The following NKX2-2 variants were observed in gnomAD, a reference collection of about 807,000 sequenced individuals.
NKX2-2 encodes the protein NK2 homeobox 2, also known as homeobox protein Nkx-2.2.
In NKX2-2, 8 loss-of-function variants were observed where a neutral mutation model predicts 24.6. The ratio of observed to expected loss-of-function variants is 0.32; its 90% CI spans 0.19 to 0.59. NKX2-2 has a LOEUF of 0.59. NKX2-2 is among the 20% of genes least tolerant of loss of function. The probability of loss-of-function intolerance (pLI) is 0.86; values close to 1 mark genes in which losing one functional copy is unlikely to be tolerated. For synonymous variants in NKX2-2, 217 were observed against 173.3 expected (o/e 1.25, Z -1.98); for missense variants, 381 against 373.9 (o/e 1.02, Z -0.16).
At chr20:21,512,596 G>T (rs922678328) in intron 1 of NKX2-2, 111 bp from the exon 2 acceptor site, 2 of 820,010 alleles carry the variant, frequency 2.4e-6, no homozygotes, top group Non-Finnish European at 3.7e-6. Flanking sequence ...TCCGCGCCTG[G>T]CAGCCCAGCC....
chr20:21,517,281 C>T (rs192182023), upstream of NKX2-2, among the ~76,000 whole-genome samples: 68 of 152,320 alleles, frequency 4.5e-4, no homozygotes, highest in East Asian at 0.011. Context: ...CCGGCCCCTC[C>T]TACACTTTCA....
Position 21,513,448 on chromosome 20 carries a change from C to A in NKX2-2, c.222G>T (p.Thr74=), listed in dbSNP as rs1353654611. ...PFYDSSDNPY[T]RWLASTEGLQ... ...GGCCCTCGGTGCTGGCCAGCCAGCG[C>A]GTGTACGGGTTGTCGCTGCTGTCGT... Residue 74 remains threonine (T), a synonymous_variant, in exon 1 of 2, where the codon ACG becomes ACT. Transcript: ENST00000377142. The surrounding 1 kb of genome is among the most constrained non-coding windows in gnomAD (Gnocchi z 4.6). 6.3e-7 allele frequency: 1 copy of A among 1,597,772 alleles called. No homozygotes were observed. The highest frequency in any genetic ancestry group is 8.5e-7 in the Non-Finnish European group (1 of 1,172,242).
upstream of NKX2-2, among the ~76,000 whole-genome samples, chr20:21,514,590 C>A (rs914684907): frequency 6.6e-6 from 1 of 152,212 alleles, no homozygotes; most frequent in Non-Finnish European, 1.5e-5. Context: ...GTTCCTACCT[C>A]CCCGCCCCCG....
At chr20:21,518,225 G>T (rs1468834934), upstream of NKX2-2, among the ~76,000 whole-genome samples, 2 of 152,094 alleles carry the variant, frequency 1.3e-5, no homozygotes, top group Non-Finnish European at 2.9e-5. Flanking sequence ...TGTCTCCTTA[G>T]CGTCCCGAAC....
chr20:21,513,424 G>A lies in NKX2-2; in HGVS notation c.246C>T (p.Gly82=), dbSNP rs1232596925. The A allele has an allele frequency of 1.9e-6, 3 of 1,570,052 alleles. No homozygotes were observed. Among genetic ancestry groups the A allele is most frequent in the East Asian group, 2.4e-5 (1 of 41,692 alleles). ...PYTRWLASTE[G]LQYSLHGLAA... is the part of the protein sequence containing the mutation. ...TTTGCTACTTACGGGAGTACTGAAG[G>A]CCCTCGGTGCTGGCCAGCCAGCGCG... Residue 82 remains glycine, a synonymous_variant, in exon 1 of 2, where the codon GGC becomes GGT. Coordinates refer to ENST00000377142, the MANE Select transcript of NKX2-2 (RefSeq NM_002509.4). The surrounding 1 kb of genome is among the most constrained non-coding windows in gnomAD (Gnocchi z 4.6).
chr20:21,516,468 C>T (rs1485321506), upstream of NKX2-2, among the ~76,000 whole-genome samples: 1 of 151,228 alleles, frequency 6.6e-6, no homozygotes, highest in Non-Finnish European at 1.5e-5. Flanking sequence ...CGTGGGAGCT[C>T]GTCGCTCTGC....
upstream of NKX2-2, among the ~76,000 whole-genome samples, chr20:21,518,242 C>T (rs1980689209): frequency 6.6e-6 from 1 of 152,136 alleles, no homozygotes; most frequent in African/African-American, 2.4e-5. Context: ...GAACACCGCG[C>T]GCCCCTGCTG....
upstream of NKX2-2, among the ~76,000 whole-genome samples, chr20:21,518,501 G>T (rs529578184): frequency 1.8e-3 from 273 of 152,326 alleles, 1 homozygote; most frequent in African/African-American, 6.3e-3. Flanking sequence ...CAGGCGGCTG[G>T]AGCGGGCGCG....
chr20:21,514,614 G>T (rs750120417), upstream of NKX2-2, among the ~76,000 whole-genome samples: 6 of 151,918 alleles, frequency 3.9e-5, no homozygotes, highest in Non-Finnish European at 8.8e-5. Context: ...GCCCACCCCC[G>T]GCAAGCCGGA....
At chr20:21,521,688 G>T in the NKX2-2 span, among the ~76,000 whole-genome samples, 186 of 152,344 alleles carry the variant, frequency 1.2e-3, no homozygotes, top group African/African-American at 4.3e-3. Flanking sequence ...CGCACAGGGG[G>T]CGACTTACCC....
At chr20:21,518,421 C>T (rs1318976715), upstream of NKX2-2, among the ~76,000 whole-genome samples, 1 of 152,162 alleles carries the variant, frequency 6.6e-6, no homozygotes, top group South Asian at 2.1e-4. Context: ...AGAACCTGTG[C>T]CCCTGGAAGC....
chr20:21,512,748 G>C (rs548920877), intron 1 of NKX2-2, among the ~76,000 whole-genome samples: 57 of 152,250 alleles, frequency 3.7e-4, no homozygotes, highest in African/African-American at 1.3e-3. Context: ...TGAGAATTTG[G>C]GGGGGGAAGT....
At chr20:21,512,700 C>T (rs1359174627) in intron 1 of NKX2-2, among the ~76,000 whole-genome samples, 1 of 152,034 alleles carries the variant, frequency 6.6e-6, no homozygotes, top group East Asian at 1.9e-4. Flanking sequence ...GGAGTGGGGG[C>T]TAGGGGCTCG....
At chr20:21,516,388 T>G (rs1252785605), upstream of NKX2-2, among the ~76,000 whole-genome samples, 1 of 146,362 alleles carries the variant, frequency 6.8e-6, no homozygotes. Flanking sequence ...TTACTTTTCG[T>G]GCTTTTTTTT....
chr20:21,513,316 T>C lies in NKX2-2; in HGVS notation c.259+95A>G. ...CCGAGTGAGGGGGTCCGGGCTTACA[T>C]GGCCCCTTCCCCTTTCACTCCCAGC... On this transcript the variant is annotated intron_variant, in intron 1 of 1. Transcript: ENST00000377142. This position sits in a 1 kb window ranked among gnomAD's most constrained non-coding sequence, Gnocchi z 4.6. The C allele has an allele frequency of 7.4e-7, 1 of 1,354,040 alleles. No homozygotes were observed. The highest frequency in any genetic ancestry group is 9.9e-7 in the Non-Finnish European group (1 of 1,012,958). 83.9% of individuals were successfully genotyped at this position (1,354,040 alleles called of 1,614,324 possible).
the NKX2-2 span, among the ~76,000 whole-genome samples, chr20:21,521,281 C>T: frequency 6.6e-6 from 1 of 152,098 alleles, no homozygotes; most frequent in Non-Finnish European, 1.5e-5. Context: ...TCCAAAGGGC[C>T]TCCTGGTAGT....
the NKX2-2 span, among the ~76,000 whole-genome samples, chr20:21,520,802 C>T: frequency 1.3e-5 from 2 of 152,220 alleles, no homozygotes; most frequent in African/African-American, 2.4e-5. Context: ...AATGAGATTA[C>T]GCATCGTCAG....
At chr20:21,520,958 A>T in the NKX2-2 span, among the ~76,000 whole-genome samples, 1 of 152,254 alleles carries the variant, frequency 6.6e-6, no homozygotes, top group East Asian at 1.9e-4. Context: ...TGACAAAATC[A>T]TTACCACAAG....
upstream of NKX2-2, among the ~76,000 whole-genome samples, chr20:21,514,759 C>A (rs1312257604): frequency 1.3e-5 from 2 of 152,232 alleles, no homozygotes; most frequent in African/African-American, 4.8e-5. Context: ...TTCTGTAAGC[C>A]TCCTAGGTCA....
Sources: gnomAD v4.1 joint callset for allele counts (sites outside exome capture counted in the v4.1 genomes callset) on GRCh38, gnomAD v4.1.1 for gene constraint, Gnocchi (gnomAD v3.1) non-coding constraint, MANE v1.5 for transcripts, NCBI Gene and HGNC (gene_info 2026-07-23, HGNC 2026-07-21) for gene names.